The following DOK6 variants were observed in gnomAD, a reference collection of about 807,000 sequenced individuals.
DOK6 encodes the protein docking protein 6, also known as downstream of tyrosine kinase 6.
In DOK6, 22 loss-of-function variants were observed where a neutral mutation model predicts 44.0. The observed-to-expected ratio is 0.50, with a 90% confidence interval of 0.36 to 0.71. DOK6 has a LOEUF of 0.71. Ranked by LOEUF, DOK6 falls within the 30% of genes least tolerant of loss-of-function variation. The probability of loss-of-function intolerance (pLI) is 0.00; values close to 1 mark genes in which losing one functional copy is unlikely to be tolerated. For missense variants in DOK6, 340 were observed against 416.4 expected, an observed-to-expected ratio of 0.82 and a Z score of 1.60; for synonymous variants, 166 against 145.5, an observed-to-expected ratio of 1.14 and a Z score of -1.01.
intron 7 of DOK6, among the ~76,000 whole-genome samples, chr18:69,829,714 A>G (rs546719839): frequency 5.9e-5 from 9 of 152,170 alleles, no homozygotes; most frequent in African/African-American, 2.2e-4. Flanking sequence ...ATCAAGACAC[A>G]AAACCCAGAA....
At chr18:69,495,215 C>G (rs1219055149) in intron 1 of DOK6, among the ~76,000 whole-genome samples, 2 of 152,218 alleles carry the variant, frequency 1.3e-5, no homozygotes. Context: ...AAGAGGGAGT[C>G]ACAGTCTTGG....
rs527645871 is a variant in DOK6, at chr18:69,565,319, G to T, written c.174+725G>T. Among the ~76,000 whole-genome samples, 28 of 151,730 alleles carry T rather than the reference G, an allele frequency of 1.8e-4. No homozygotes were observed. The South Asian group carries it at 2.1e-3, about 11-fold the overall frequency. ...TTCCTGGATAATGTAATGAATTTGT[G>T]GAATTTTATTTTATGTAATATATTG... is the stretch of plus-strand genomic sequence containing the variant. On this transcript the variant is annotated intron_variant, in intron 2 of 7. Coordinates refer to ENST00000382713, the MANE Select transcript of DOK6 (RefSeq NM_152721.6).
intron 4 of DOK6, among the ~76,000 whole-genome samples, chr18:69,690,501 T>C (rs1986241124): frequency 6.6e-6 from 1 of 152,200 alleles, no homozygotes; most frequent in Admixed American, 6.5e-5. Flanking sequence ...CTAAAGCTGC[T>C]AGAATTGAAG....
At chr18:69,838,237 T>TAAAA (rs541410720) in intron 7 of DOK6, among the ~76,000 whole-genome samples, 77 of 140,794 alleles carry the variant, frequency 5.5e-4, no homozygotes, top group African/African-American at 1.9e-3. Flanking sequence ...TCTAAAACTT[T>TAAAA]AAAAAAAAAA....
At chr18:69,445,121 A>T (rs1979248021) in intron 1 of DOK6, among the ~76,000 whole-genome samples, 1 of 152,130 alleles carries the variant, frequency 6.6e-6, no homozygotes, top group African/African-American at 2.4e-5. Flanking sequence ...TTTTCATATT[A>T]TTAATTGCTA....
chr18:69,742,368 C>T (rs190241234), intron 6 of DOK6, among the ~76,000 whole-genome samples: 1 of 146,766 alleles, frequency 6.8e-6, no homozygotes, highest in East Asian at 2.0e-4. Flanking sequence ...GAGCCGAGTT[C>T]GTGCCATTGC....
chr18:69,481,676 T>C (rs1252677429), intron 1 of DOK6, among the ~76,000 whole-genome samples: 20 of 152,170 alleles, frequency 1.3e-4, no homozygotes, highest in African/African-American at 4.6e-4. Flanking sequence ...AGTGCCGCAA[T>C]AAACATACGT....
At chr18:69,590,948 C>T (rs987020852) in intron 2 of DOK6, among the ~76,000 whole-genome samples, 1 of 152,134 alleles carries the variant, frequency 6.6e-6, no homozygotes, top group African/African-American at 2.4e-5. Context: ...AAACAACACC[C>T]TTTCATCACA....
chr18:69,712,150 G>A (rs1014305427), intron 5 of DOK6, among the ~76,000 whole-genome samples: 4 of 147,646 alleles, frequency 2.7e-5, no homozygotes, highest in Admixed American at 6.7e-5. Flanking sequence ...GCGTAGTGGC[G>A]GGCGCCTGTA....
At chr18:69,525,643 G>A (rs1253849965) in intron 1 of DOK6, among the ~76,000 whole-genome samples, 1 of 151,914 alleles carries the variant, frequency 6.6e-6, no homozygotes, top group Non-Finnish European at 1.5e-5. Flanking sequence ...GGGAAATTTG[G>A]CAATTTCTTC....
At chr18:69,722,490 G>A (rs1223728449) in intron 5 of DOK6, among the ~76,000 whole-genome samples, 1 of 152,176 alleles carries the variant, frequency 6.6e-6, no homozygotes, top group Non-Finnish European at 1.5e-5. Flanking sequence ...CTGTCTCAGA[G>A]AGGCTTGTAG....
intron 1 of DOK6, among the ~76,000 whole-genome samples, chr18:69,463,041 C>A (rs1291280503): frequency 6.6e-6 from 1 of 152,120 alleles, no homozygotes; most frequent in African/African-American, 2.4e-5. Flanking sequence ...AACAAAATAA[C>A]ATCAATTGGG....
At chr18:69,767,142 G>A (rs978841642) in intron 7 of DOK6, among the ~76,000 whole-genome samples, 4 of 152,256 alleles carry the variant, frequency 2.6e-5, no homozygotes, top group South Asian at 4.1e-4. Context: ...TGAGGCACAA[G>A]AATAGTTTGA....
At chr18:69,604,512 TA>T (rs1188742612) in intron 3 of DOK6, among the ~76,000 whole-genome samples, 1 of 152,244 alleles carries the variant, frequency 6.6e-6, no homozygotes, top group African/African-American at 2.4e-5. Flanking sequence ...GGTTTTCAAC[TA>T]CTTTAAATAT....
chr18:69,733,105 G>A (rs562255363), intron 5 of DOK6, among the ~76,000 whole-genome samples: 5 of 152,128 alleles, frequency 3.3e-5, no homozygotes, highest in African/African-American at 1.2e-4. Context: ...GAGGTGGGCA[G>A]ATTACTTGAG....
chr18:69,753,767 T>C lies in DOK6; in HGVS notation c.739-3989T>C, dbSNP rs773782151. Among the ~76,000 whole-genome samples the C allele has an allele frequency of 4.6e-5, 7 of 151,868 alleles. No homozygotes were observed. The South Asian group carries it at 1.2e-3, about 27-fold the overall frequency. On this transcript the variant is annotated intron_variant, in intron 6 of 7. Transcript: ENST00000382713. ...GCATCGCCTACAGGAAATAGTCTTA[T>C]AAATAACAAGGGAATTCTGGCACAA...
At chr18:69,599,557 C>T in intron 3 of DOK6, 59 bp downstream of exon 3, 1 of 1,398,656 alleles carries the variant, frequency 7.1e-7, no homozygotes, top group Non-Finnish European at 1.0e-6. Flanking sequence ...GAGACAATGG[C>T]CCAGGCGGAT....
chr18:69,765,015 G>A (rs1465628731), intron 7 of DOK6, among the ~76,000 whole-genome samples: 2 of 152,150 alleles, frequency 1.3e-5, no homozygotes, highest in Admixed American at 6.5e-5. Flanking sequence ...CAGAAGGACA[G>A]GATGGAAATA....
intron 1 of DOK6, among the ~76,000 whole-genome samples, chr18:69,543,681 A>G (rs928842724): frequency 9.9e-5 from 15 of 151,436 alleles, no homozygotes; most frequent in Non-Finnish European, 1.6e-4. Context: ...TCAGGGCTTG[A>G]TTTTTGTATC....
Sources: allele counts gnomAD v4.1 joint callset (sites outside exome capture counted in the v4.1 genomes callset), GRCh38; gene constraint gnomAD v4.1.1; transcripts MANE v1.5; gene names NCBI Gene and HGNC (gene_info 2026-07-23, HGNC 2026-07-21).